WASF1: variants seen among roughly 807,000 people sequenced by gnomAD.
The protein encoded by WASF1 is actin-binding protein WASF1.
In WASF1, 7 loss-of-function variants were observed where a neutral mutation model predicts 50.5. That is an observed-to-expected ratio of 0.14 (90% confidence interval 0.08 to 0.26). The LOEUF is 0.26. Among genes scored for constraint, WASF1 ranks in the 10% least tolerant of loss-of-function variants. WASF1 has a pLI of 1.00. For synonymous variants in WASF1, 205 were observed against 244.0 expected (o/e 0.84, Z 1.49); for missense variants, 470 against 694.7 (o/e 0.68, Z 3.64).
At chr6:110,139,483 T>C (rs911415251) in intron 3 of WASF1, among the ~76,000 whole-genome samples, 3 of 152,234 alleles carry the variant, frequency 2.0e-5, no homozygotes, top group African/African-American at 7.2e-5. Context: ...AACTTTTAAC[T>C]TCAGAGCACT....
intron 5 of WASF1, 36 bp from the exon 6 acceptor site, chr6:110,108,717 T>A: frequency 6.3e-7 from 1 of 1,579,750 alleles, no homozygotes; most frequent in South Asian, 1.1e-5. Context: ...TTATTTTATT[T>A]TACTAAGATG....
At chr6:110,140,310 C>A (rs180906364) in intron 3 of WASF1, among the ~76,000 whole-genome samples, 2 of 152,170 alleles carry the variant, frequency 1.3e-5, no homozygotes, top group Non-Finnish European at 2.9e-5. Context: ...TATGCCCCTT[C>A]CCCTATAACT....
At chr6:110,100,732 T>C (rs1028168555) in intron 10 of WASF1, 53 bp from the exon 11 acceptor site, 46 of 1,417,512 alleles carry the variant, frequency 3.2e-5, no homozygotes, top group Non-Finnish European at 4.3e-5. Context: ...AGATACTAGA[T>C]ATTATTAATA....
chr6:110,148,716 T>G (rs1337620282), intron 3 of WASF1, among the ~76,000 whole-genome samples: 2 of 152,192 alleles, frequency 1.3e-5, no homozygotes, highest in African/African-American at 4.8e-5. Flanking sequence ...TGACCATTCA[T>G]TCTAATTGCT....
At chr6:110,124,979 T>C (rs1774356670) in intron 4 of WASF1, among the ~76,000 whole-genome samples, 1 of 152,200 alleles carries the variant, frequency 6.6e-6, no homozygotes, top group Admixed American at 6.5e-5. Flanking sequence ...CTGAGCCATG[T>C]GGATCCCTGC....
At chr6:110,167,499 T>C (rs1462127496) in intron 2 of WASF1, among the ~76,000 whole-genome samples, 3 of 152,038 alleles carry the variant, frequency 2.0e-5, no homozygotes, top group African/African-American at 7.2e-5. Context: ...TGTGTGTTTC[T>C]CAGTCTCCTT....
At chr6:110,111,323 G>GTGT (rs1191395991) in intron 5 of WASF1, among the ~76,000 whole-genome samples, 2 of 151,746 alleles carry the variant, frequency 1.3e-5, no homozygotes, top group African/African-American at 4.8e-5. Flanking sequence ...ATTCCATGAG[G>GTGT]TGTAATTAAT....
At position 110,113,241 on chromosome 6, in the gene WASF1, C is replaced by T. The variant is rs75068330; in HGVS notation, c.268+85G>A. ...ACATGGGTATGATCTGTAATAAATT[C>T]ATGATTAATACTGTTAAGTATATCA... On this transcript the variant is annotated intron_variant, in intron 5 of 10. Coordinates refer to ENST00000392589, the MANE Select transcript of WASF1 (RefSeq NM_003931.3). 1.5e-3 allele frequency: 1,844 copies of T among 1,191,130 alleles called. 27 individuals carry two copies. In the African/African-American group the frequency reaches 0.026, roughly 17 times the overall value. The allele number at this position is 1,191,130 out of a possible 1,614,324, so 73.8% of individuals were successfully genotyped here.
At chr6:110,108,224 T>C (rs1773412773) in intron 6 of WASF1, among the ~76,000 whole-genome samples, 1 of 151,902 alleles carries the variant, frequency 6.6e-6, no homozygotes, top group South Asian at 2.1e-4. Context: ...TTGAGCTTTT[T>C]CCATTTGATT....
rs569547907 is a variant in WASF1, at chr6:110,118,395, T to C, written c.134-4935A>G. ...AAAAAAAAAGCAGGGTTTGCAATCC[T>C]AGTCTCTGATAAAACAGACTTTAAA... On this transcript the variant is annotated intron_variant, in intron 4 of 10. Transcript: ENST00000392589. Among the ~76,000 whole-genome samples the C allele has an allele frequency of 6.8e-5, 8 of 118,148 alleles. No homozygotes were observed. In the East Asian group the frequency reaches 2.2e-3, roughly 32 times the overall value. 77.5% of individuals were successfully genotyped at this position (118,148 alleles called of 152,430 possible).
chr6:110,139,819 C>T (rs976920722), intron 3 of WASF1, among the ~76,000 whole-genome samples: 2 of 152,120 alleles, frequency 1.3e-5, no homozygotes, highest in Non-Finnish European at 2.9e-5. Context: ...ATACCTGTAA[C>T]ATTTAACTTA....
At chr6:110,148,951 C>A (rs559952567) in intron 3 of WASF1, among the ~76,000 whole-genome samples, 1 of 152,256 alleles carries the variant, frequency 6.6e-6, no homozygotes, top group Non-Finnish European at 1.5e-5. Context: ...AAGAAACTTT[C>A]TATAGTCAGC....
intron 4 of WASF1, among the ~76,000 whole-genome samples, chr6:110,122,648 G>A (rs1203597603): frequency 6.6e-6 from 1 of 152,118 alleles, no homozygotes; most frequent in Non-Finnish European, 1.5e-5. Flanking sequence ...TTAATGAACA[G>A]TAAGTATATT....
chr6:110,103,556 G>T lies in WASF1; in HGVS notation c.715C>A (p.Pro239Thr). 6.2e-7 allele frequency: 1 copy of T among 1,607,304 alleles called. No individual in the cohort carries two copies. The highest frequency in any genetic ancestry group is 8.5e-7 in the Non-Finnish European group (1 of 1,175,798). Residue 239 changes from proline (P) to threonine (T), a missense_variant and splice_region_variant, in exon 9 of 11, where the codon CCT becomes ACT. Physicochemically the swap from Pro to Thr is conservative, Grantham distance 38. This residue lies in a region of WASF1 where 294 missense variants were observed against 343.5 expected (regional missense o/e 0.86). Transcript: ENST00000392589. ...NGPASHFETR[P>T]QTYVDHMDGS... ...TCCATATGATCCACGTATGTCTGAGGTCTAAAAGAAATATATAGTATCAGT... is the reference window on the plus strand; with the variant it reads ...TCCATATGATCCACGTATGTCTGAGTTCTAAAAGAAATATATAGTATCAGT...
At chr6:110,148,625 A>G (rs1775687200) in intron 3 of WASF1, among the ~76,000 whole-genome samples, 1 of 152,132 alleles carries the variant, frequency 6.6e-6, no homozygotes, top group Admixed American at 6.5e-5. Context: ...AGGACCTTGA[A>G]GGTCATATTG....
chr6:110,152,534 A>G (rs1037431953), intron 3 of WASF1, among the ~76,000 whole-genome samples: 9 of 152,176 alleles, frequency 5.9e-5, no homozygotes, highest in African/African-American at 2.2e-4. Context: ...CTGCCTCTGT[A>G]CTTGTTAGAT....
chr6:110,175,399 A>G (rs1384904758), intron 2 of WASF1, among the ~76,000 whole-genome samples: 1 of 152,152 alleles, frequency 6.6e-6, no homozygotes, highest in Non-Finnish European at 1.5e-5. Context: ...AGACTAAAAA[A>G]TCTTGCTTCT....
chr6:110,111,739 A>G (rs1045546897), intron 5 of WASF1, among the ~76,000 whole-genome samples: 7 of 152,158 alleles, frequency 4.6e-5, no homozygotes, highest in Admixed American at 3.3e-4. Context: ...GCAAATCCAT[A>G]CAGACAGAAA....
chr6:110,160,559 C>T (rs1440834649), intron 3 of WASF1, 76 bp downstream of exon 3: 2 of 151,660 alleles, frequency 1.3e-5, no homozygotes, highest in African/African-American at 4.8e-5. Flanking sequence ...ACTTTTGAAG[C>T]AGAAATGAGA....
Sources: gnomAD v4.1 joint callset for allele counts (sites outside exome capture counted in the v4.1 genomes callset) on GRCh38, gnomAD v4.1.1 for gene constraint, gnomAD v4.1.1 regional missense constraint, MANE v1.5 for transcripts, NCBI Gene and HGNC (gene_info 2026-07-23, HGNC 2026-07-21) for gene names.